The following PGCKA1 variants were observed in gnomAD, a reference collection of about 807,000 sequenced individuals.
The protein encoded by PGCKA1 is PDCD10 and GCKIII kinases associated 1.
chr4:37,498,132 A>C, the PGCKA1 span, among the ~76,000 whole-genome samples: 51 of 152,308 alleles, frequency 3.3e-4, no homozygotes, highest in African/African-American at 1.2e-3. Context: ...ACATGTGGCT[A>C]GCCAATTATC....
the PGCKA1 span, among the ~76,000 whole-genome samples, chr4:37,474,914 A>T: frequency 6.6e-6 from 1 of 152,192 alleles, no homozygotes; most frequent in Non-Finnish European, 1.5e-5. Flanking sequence ...TGTATGCAAA[A>T]ACTCAGAATT....
the PGCKA1 span, chr4:37,590,722 C>T: frequency 6.2e-7 from 1 of 1,614,178 alleles, no homozygotes; most frequent in Admixed American, 1.7e-5. Flanking sequence ...AATTCAGCCC[C>T]CAGTGGGGGA....
At chr4:37,509,900 C>T in the PGCKA1 span, among the ~76,000 whole-genome samples, 1 of 147,026 alleles carries the variant, frequency 6.8e-6, no homozygotes, top group Admixed American at 6.9e-5. Flanking sequence ...TGCAGTGAGC[C>T]GAGATGGTGG....
At chr4:37,585,711 A>C in the PGCKA1 span, among the ~76,000 whole-genome samples, 1 of 152,010 alleles carries the variant, frequency 6.6e-6, no homozygotes, top group African/African-American at 2.4e-5. Flanking sequence ...ATGAATTATC[A>C]GCAGAAAAGG....
chr4:37,494,097 G>A, the PGCKA1 span, among the ~76,000 whole-genome samples: 1 of 152,108 alleles, frequency 6.6e-6, no homozygotes, highest in Non-Finnish European at 1.5e-5. Context: ...AACTAGCAGT[G>A]GGATTGCTGG....
At chr4:37,556,426 C>T in the PGCKA1 span, among the ~76,000 whole-genome samples, 1 of 148,142 alleles carries the variant, frequency 6.8e-6, no homozygotes, top group African/African-American at 2.5e-5. Context: ...TGCCACCACA[C>T]CAGGTTAATT....
At chr4:37,536,054 A>G in the PGCKA1 span, among the ~76,000 whole-genome samples, 1 of 152,240 alleles carries the variant, frequency 6.6e-6, no homozygotes, top group African/African-American at 2.4e-5. Context: ...TATTCCATTA[A>G]TAGGCACTGA....
chr4:37,506,523 A>G, the PGCKA1 span, among the ~76,000 whole-genome samples: 1 of 149,612 alleles, frequency 6.7e-6, no homozygotes, highest in Non-Finnish European at 1.5e-5. Flanking sequence ...GAATTACTTC[A>G]TTGAAACACT....
the PGCKA1 span, among the ~76,000 whole-genome samples, chr4:37,572,223 C>T: frequency 4.6e-5 from 7 of 151,278 alleles, no homozygotes; most frequent in Non-Finnish European, 1.0e-4. Context: ...CCACTACGCC[C>T]GGCTAATTTT....
chr4:37,562,363 A>G, the PGCKA1 span, among the ~76,000 whole-genome samples: 2 of 152,240 alleles, frequency 1.3e-5, no homozygotes, highest in Non-Finnish European at 2.9e-5. Flanking sequence ...TCATTATTGC[A>G]TGCTACTAAA....
the PGCKA1 span, among the ~76,000 whole-genome samples, chr4:37,569,829 G>T: frequency 6.6e-6 from 1 of 152,056 alleles, no homozygotes; most frequent in Non-Finnish European, 1.5e-5. Context: ...CTTTTCCAGG[G>T]AGAAAACCCA....
chr4:37,510,298 G>C, the PGCKA1 span, among the ~76,000 whole-genome samples: 1 of 152,008 alleles, frequency 6.6e-6, no homozygotes, highest in African/African-American at 2.4e-5. Flanking sequence ...GACATGGAAG[G>C]GTTAAGTATT....
At chr4:37,518,140 A>G in the PGCKA1 span, among the ~76,000 whole-genome samples, 1 of 152,176 alleles carries the variant, frequency 6.6e-6, no homozygotes, top group Non-Finnish European at 1.5e-5. Flanking sequence ...TATGTACCAC[A>G]TTTTCATTAT....
At chr4:37,517,665 G>A in the PGCKA1 span, among the ~76,000 whole-genome samples, 6 of 152,094 alleles carry the variant, frequency 3.9e-5, no homozygotes, top group Non-Finnish European at 5.9e-5. Context: ...GGGTACATGA[G>A]ATGTTGTGAT....
At chr4:37,572,639 A>AT in the PGCKA1 span, among the ~76,000 whole-genome samples, 9 of 152,220 alleles carry the variant, frequency 5.9e-5, no homozygotes, top group South Asian at 1.5e-3. Flanking sequence ...TAGAGTTTGG[A>AT]TTTTTTTAAA....
chr4:37,539,648 C>G, the PGCKA1 span, among the ~76,000 whole-genome samples: 3 of 152,086 alleles, frequency 2.0e-5, no homozygotes, highest in African/African-American at 7.2e-5. Context: ...AGCAAGACTC[C>G]GTCTCAAAAT....
chr4:37,509,928 G>C, the PGCKA1 span, among the ~76,000 whole-genome samples: 8 of 149,902 alleles, frequency 5.3e-5, no homozygotes, highest in East Asian at 2.0e-4. Flanking sequence ...GTCCAGCTTC[G>C]GCTGGGCATC....
the PGCKA1 span, among the ~76,000 whole-genome samples, chr4:37,481,803 A>G: frequency 6.6e-6 from 1 of 152,160 alleles, no homozygotes; most frequent in Non-Finnish European, 1.5e-5. Flanking sequence ...GTCATCTTGA[A>G]TTGTAGTTCC....
At chr4:37,570,969 G>C in the PGCKA1 span, among the ~76,000 whole-genome samples, 2 of 152,214 alleles carry the variant, frequency 1.3e-5, no homozygotes, top group East Asian at 1.9e-4. Flanking sequence ...TTGTGGAAAA[G>C]GGTATAGACC....
Sources: gnomAD v4.1 joint callset for allele counts (sites outside exome capture counted in the v4.1 genomes callset) on GRCh38, gnomAD v4.1.1 for gene constraint, MANE v1.5 for transcripts, NCBI Gene and HGNC (gene_info 2026-07-23, HGNC 2026-07-21) for gene names.